CDK14: variants seen among roughly 807,000 people sequenced by gnomAD.
CDK14 encodes cyclin dependent kinase 14.
A neutral mutation model predicts 60.7 loss-of-function variants in CDK14; 34 were observed. The observed-to-expected ratio is 0.56, with a 90% CI of 0.43 to 0.75. The LOEUF is 0.75. CDK14 is among the 30% of genes least tolerant of loss of function. The pLI is 0.00. For synonymous variants in CDK14, 197 were observed against 203.7 expected (o/e 0.97, Z 0.28); for missense variants, 482 against 564.1 (o/e 0.85, Z 1.47).
chr7:90,614,351 T>A (rs532255117), intron 2 of CDK14, among the ~76,000 whole-genome samples: 4 of 152,200 alleles, frequency 2.6e-5, no homozygotes, highest in African/African-American at 9.7e-5. Flanking sequence ...ATAAAACTTA[T>A]AAAAGGCATA....
chr7:91,071,025 G>A (rs749983327), intron 11 of CDK14, among the ~76,000 whole-genome samples: 3 of 152,060 alleles, frequency 2.0e-5, no homozygotes, highest in Admixed American at 6.6e-5. Flanking sequence ...GATTTTTACC[G>A]AATCCTGGCA....
chr7:90,824,835 C>T (rs1488931609), intron 5 of CDK14: 1 of 152,026 alleles, frequency 6.6e-6, no homozygotes, highest in African/African-American at 2.4e-5. Flanking sequence ...GATGATATAG[C>T]AATTATTGTA....
At chr7:90,876,787 G>A (rs1172107648) in intron 6 of CDK14, among the ~76,000 whole-genome samples, 1 of 152,184 alleles carries the variant, frequency 6.6e-6, no homozygotes, top group East Asian at 1.9e-4. Flanking sequence ...GTTAAAGCGT[G>A]CCATTATGTA....
chr7:90,806,151 A>C (rs1788824470), intron 5 of CDK14, among the ~76,000 whole-genome samples: 1 of 152,170 alleles, frequency 6.6e-6, no homozygotes. Context: ...TTGATCAAAG[A>C]CCTCAGTGTA....
chr7:90,713,413 C>T (rs1802133381), intron 2 of CDK14, among the ~76,000 whole-genome samples: 1 of 151,978 alleles, frequency 6.6e-6, no homozygotes, highest in African/African-American at 2.4e-5. Context: ...TAAGCCTGCT[C>T]CTTCTTAATG....
intron 10 of CDK14, among the ~76,000 whole-genome samples, chr7:91,043,383 A>G (rs1249300050): frequency 6.6e-6 from 1 of 152,198 alleles, no homozygotes; most frequent in Non-Finnish European, 1.5e-5. Context: ...TGTGCTTTTG[A>G]GCTGACATTT....
At chr7:90,822,679 A>G (rs566243401) in intron 5 of CDK14, among the ~76,000 whole-genome samples, 1 of 152,308 alleles carries the variant, frequency 6.6e-6, no homozygotes, top group South Asian at 2.1e-4. Context: ...GCATAAATGA[A>G]TGAACTACAT....
At chr7:91,090,847 G>A (rs1293566087) in intron 12 of CDK14, among the ~76,000 whole-genome samples, 3 of 151,968 alleles carry the variant, frequency 2.0e-5, no homozygotes, top group Non-Finnish European at 4.4e-5. Context: ...TTCTGTAGGC[G>A]CTGGCCATTT....
chr7:91,057,649 T>G (rs1797624727), intron 11 of CDK14, among the ~76,000 whole-genome samples: 1 of 152,226 alleles, frequency 6.6e-6, no homozygotes, highest in South Asian at 2.1e-4. Context: ...CCAACACCAT[T>G]TATTAAATAG....
intron 9 of CDK14, among the ~76,000 whole-genome samples, chr7:90,975,900 A>G (rs1049237037): frequency 6.6e-6 from 1 of 152,098 alleles, no homozygotes; most frequent in Non-Finnish European, 1.5e-5. Context: ...AATAGTATTC[A>G]TTGTGCTTGT....
intron 5 of CDK14, among the ~76,000 whole-genome samples, chr7:90,853,685 T>C (rs1019971400): frequency 1.1e-4 from 16 of 152,320 alleles, no homozygotes; most frequent in African/African-American, 3.6e-4. Flanking sequence ...GTTTTTTGTC[T>C]GTGTTACCTC....
intron 2 of CDK14, among the ~76,000 whole-genome samples, chr7:90,661,718 C>T (rs921696599): frequency 6.6e-6 from 1 of 152,126 alleles, no homozygotes; most frequent in Non-Finnish European, 1.5e-5. Context: ...CACTTTTGAG[C>T]CTGGCTTGTG....
chr7:90,801,700 G>A lies in CDK14; in HGVS notation c.544+11048G>A, dbSNP rs565899670. Among the ~76,000 whole-genome samples, 8 of 152,204 alleles carry A rather than the reference G, an allele frequency of 5.3e-5. No individual in the cohort carries two copies. In the East Asian group the frequency reaches 9.6e-4, roughly 18 times the overall value. ...AGATATGCCTTTTATCCAGGTATAT[G>A]GACATGTTTTTTTATCCAGATACAT... On this transcript the variant is annotated intron_variant, in intron 5 of 14. Transcript: ENST00000380050.
chr7:91,106,375 G>A (rs1271386411), intron 12 of CDK14, among the ~76,000 whole-genome samples: 2 of 152,082 alleles, frequency 1.3e-5, no homozygotes, highest in Non-Finnish European at 2.9e-5. Context: ...AAACAAAACA[G>A]AATTTACCAT....
chr7:91,188,346 G>C (rs1584192511), intron 14 of CDK14, among the ~76,000 whole-genome samples: 2 of 152,158 alleles, frequency 1.3e-5, no homozygotes, highest in South Asian at 4.1e-4. Context: ...CCTCTCAGTG[G>C]AATTGAGGAA....
At chr7:90,697,786 C>T (rs560157719) in intron 2 of CDK14, among the ~76,000 whole-genome samples, 14 of 152,018 alleles carry the variant, frequency 9.2e-5, no homozygotes, top group African/African-American at 2.4e-4. Flanking sequence ...AAAAGTGTTG[C>T]GGCCGGGCAC....
intron 5 of CDK14, among the ~76,000 whole-genome samples, chr7:90,815,662 C>T (rs906070348): frequency 9.2e-5 from 14 of 152,186 alleles, no homozygotes; most frequent in African/African-American, 3.4e-4. Flanking sequence ...GACTTGGAAC[C>T]AATCCAAATG....
At chr7:90,743,745 T>A (rs1050246053) in intron 3 of CDK14, among the ~76,000 whole-genome samples, 1 of 152,178 alleles carries the variant, frequency 6.6e-6, no homozygotes, top group Admixed American at 6.5e-5. Context: ...GAGATATTAA[T>A]TTAATCTATT....
chr7:91,129,551 C>T (rs1392263960), intron 14 of CDK14, among the ~76,000 whole-genome samples: 4 of 152,120 alleles, frequency 2.6e-5, no homozygotes, highest in Admixed American at 2.6e-4. Flanking sequence ...GCTGAACTAA[C>T]TGCTTTTTTC....
Sources: allele counts gnomAD v4.1 joint callset (sites outside exome capture counted in the v4.1 genomes callset), GRCh38; gene constraint gnomAD v4.1.1; transcripts MANE v1.5; gene names NCBI Gene and HGNC (gene_info 2026-07-23, HGNC 2026-07-21).